Variants in MYOCD observed in about 807,000 individuals in gnomAD.
MYOCD encodes the protein myocardin.
Under a neutral mutation model 96.1 loss-of-function variants are expected in MYOCD, and 32 were observed. The observed-to-expected ratio is 0.33, with a 90% CI of 0.25 to 0.45. The LOEUF (loss-of-function observed/expected upper bound fraction) is 0.45. MYOCD is among the 20% of genes least tolerant of loss of function. MYOCD has a pLI of 1.00. For missense variants in MYOCD, 1,133 were observed against 1,200.6 expected, an observed-to-expected ratio of 0.94 and a Z score of 0.83; for synonymous variants, 469 against 469.0, an observed-to-expected ratio of 1.00 and a Z score of 0.00.
Position 12,670,560 on chromosome 17 carries a change from A to G in MYOCD, c.55+4317A>G, listed in dbSNP as rs558488158. 2.1e-4 allele frequency among the ~76,000 whole-genome samples: 32 copies of G among 152,314 alleles called. No individual in the cohort carries two copies. In the South Asian group the frequency reaches 6.4e-3, roughly 31 times the overall value. On this transcript the variant is annotated intron_variant, in intron 1 of 13. Coordinates refer to ENST00000425538, the MANE Select transcript of MYOCD (RefSeq NM_001146312.3). Reference sequence around the variant, plus strand: ...AGCTCGAGAGAAGCCCAGACTATCTACCTTCATTGGCAATTAGTTTTCTAG... The same window carrying G: ...AGCTCGAGAGAAGCCCAGACTATCTGCCTTCATTGGCAATTAGTTTTCTAG...
chr17:12,694,881 C>CAAAAAAAAAAAAAAAA (rs201215491), intron 1 of MYOCD, among the ~76,000 whole-genome samples: 1 of 69,630 alleles, frequency 1.4e-5, no homozygotes, highest in Non-Finnish European at 2.9e-5. Flanking sequence ...AAGGAATAAC[C>CAAAAAAAAAAAAAAAA]AAAAAAAAAA....
At chr17:12,705,087 A>T in intron 1 of MYOCD, 41 bp from the exon 2 acceptor site, 1 of 1,238,178 alleles carries the variant, frequency 8.1e-7, no homozygotes, top group Non-Finnish European at 1.2e-6. Flanking sequence ...GATTGTAATG[A>T]TATTTAGCCC....
At chr17:12,688,555 CT>C (rs940192743) in intron 1 of MYOCD, among the ~76,000 whole-genome samples, 2 of 95,868 alleles carry the variant, frequency 2.1e-5, no homozygotes, top group Non-Finnish European at 3.8e-5. Context: ...CATCTTCTTC[CT>C]TCCTTCCTTC....
At chr17:12,669,384 GCAAA>G (rs1390371715) in intron 1 of MYOCD, among the ~76,000 whole-genome samples, 2 of 152,088 alleles carry the variant, frequency 1.3e-5, no homozygotes, top group Non-Finnish European at 2.9e-5. Flanking sequence ...CTTAAACCGC[GCAAA>G]CAGAGGCAAA....
chr17:12,723,206 G>A (rs1341944356), intron 5 of MYOCD, among the ~76,000 whole-genome samples, 198 bp downstream of exon 5: 1 of 152,114 alleles, frequency 6.6e-6, no homozygotes, highest in Admixed American at 6.6e-5. Context: ...TACACCCCAA[G>A]GCCAAGTCAA....
intron 1 of MYOCD, among the ~76,000 whole-genome samples, chr17:12,681,283 C>T (rs1218209173): frequency 6.6e-6 from 1 of 152,202 alleles, no homozygotes; most frequent in African/African-American, 2.4e-5. Context: ...AAGGCATTTC[C>T]ACTTGAGGTT....
At chr17:12,740,015 A>C (rs2032459697) in intron 7 of MYOCD, among the ~76,000 whole-genome samples, 1 of 151,934 alleles carries the variant, frequency 6.6e-6, no homozygotes, top group South Asian at 2.1e-4. Context: ...AGCTCACTGC[A>C]ACCTCCGCCT....
chr17:12,685,197 G>A (rs1440949603), intron 1 of MYOCD, among the ~76,000 whole-genome samples: 2 of 152,238 alleles, frequency 1.3e-5, no homozygotes, highest in South Asian at 4.2e-4. Context: ...TACTCAGGAG[G>A]CCAAGGCACA....
chr17:12,744,583 GA>G, intron 8 of MYOCD, 147 bp downstream of exon 8: 1 of 1,195,370 alleles, frequency 8.4e-7, no homozygotes, highest in Non-Finnish European at 1.1e-6. Context: ...ACTCAATTTA[GA>G]AACTATGCAC....
At position 12,766,709 on chromosome 17, in the gene MYOCD, C is replaced by T; in HGVS notation, c.*3065C>T. ...TTACGAAGATGGTCACATTCAAGTTCCCTAATGCTCTTAGAACCTGAAGAT... is the reference window on the plus strand; with the variant it reads ...TTACGAAGATGGTCACATTCAAGTTTCCTAATGCTCTTAGAACCTGAAGAT... On this transcript the variant is annotated 3_prime_UTR_variant, in exon 14 of 14. Coordinates refer to ENST00000425538, the MANE Select transcript of MYOCD (RefSeq NM_001146312.3). 6.6e-6 allele frequency: 1 copy of T among 152,162 alleles called. No individual in the cohort carries two copies. Among genetic ancestry groups the T allele is most frequent in the Non-Finnish European group, 1.5e-5 (1 of 68,018 alleles). The allele number at this position is 152,162 out of a possible 1,614,324, so 9.4% of individuals were successfully genotyped here. A position where few individuals can be genotyped will look rare whatever the true frequency, so the allele number is the denominator to read the frequency against.
At chr17:12,676,275 A>G (rs904155670) in intron 1 of MYOCD, among the ~76,000 whole-genome samples, 12 of 130,770 alleles carry the variant, frequency 9.2e-5, no homozygotes, top group South Asian at 7.0e-4. Flanking sequence ...ACACACACAC[A>G]CACACACACA....
intron 4 of MYOCD, among the ~76,000 whole-genome samples, chr17:12,719,827 A>G (rs1348566529): frequency 7.0e-6 from 1 of 143,404 alleles, no homozygotes; most frequent in Non-Finnish European, 1.5e-5. Flanking sequence ...AGATCGTGCC[A>G]TTGCACTCCA....
intron 5 of MYOCD, among the ~76,000 whole-genome samples, chr17:12,731,204 C>G (rs1338278463): frequency 1.3e-5 from 2 of 152,206 alleles, no homozygotes; most frequent in African/African-American, 4.8e-5. Context: ...GGTCACACCA[C>G]GGAGCCAGGA....
At chr17:12,703,238 T>C (rs1056061508) in intron 1 of MYOCD, among the ~76,000 whole-genome samples, 3 of 152,050 alleles carry the variant, frequency 2.0e-5, no homozygotes, top group African/African-American at 7.2e-5. Context: ...TTTTTCTTTA[T>C]ATAATATGTT....
intron 1 of MYOCD, among the ~76,000 whole-genome samples, chr17:12,670,355 C>G (rs1158366147): frequency 6.6e-6 from 1 of 152,192 alleles, no homozygotes; most frequent in African/African-American, 2.4e-5. Context: ...TCATCTCTCT[C>G]TGTCGTTTCT....
chr17:12,702,673 C>G (rs1456327621), intron 1 of MYOCD, among the ~76,000 whole-genome samples: 1 of 20,544 alleles, frequency 4.9e-5, no homozygotes, highest in East Asian at 1.6e-3. Context: ...AGCATTGTTT[C>G]AATTTATTGG....
At position 12,753,341 on chromosome 17, in the gene MYOCD, G is replaced by A. The variant is rs1294204794; in HGVS notation, c.2053G>A (p.Ala685Thr). 3.2e-6 allele frequency: 5 copies of A among 1,584,794 alleles called. No individual in the cohort carries two copies. Among genetic ancestry groups the A allele is most frequent in the Non-Finnish European group, 4.3e-6 (5 of 1,166,228 alleles). The change falls in exon 10 of 14, where the codon GCA becomes ACA. Residue 685 changes from alanine (A) to threonine (T), a missense_variant. Coordinates refer to ENST00000425538, the MANE Select transcript of MYOCD (RefSeq NM_001146312.3). ...GCCCATCAGCAGCCAGGTGTGCACT[G>A]CACAGGTAAGAGCACCTTGCGCCAT... Reference protein sequence around the residue: ...SSPISSQVCTAQNSGAHDGHP... With the variant: ...SSPISSQVCTTQNSGAHDGHP...
intron 5 of MYOCD, among the ~76,000 whole-genome samples, chr17:12,732,585 C>T (rs943990562): frequency 6.6e-6 from 1 of 152,196 alleles, no homozygotes; most frequent in Non-Finnish European, 1.5e-5. Context: ...TGTCTCTTCT[C>T]TTAGCCATAT....
chr17:12,744,577 A>G (rs185292859), intron 8 of MYOCD, 141 bp downstream of exon 8: 2 of 1,257,660 alleles, frequency 1.6e-6, no homozygotes, highest in Admixed American at 2.8e-5. Flanking sequence ...AAGGTGACTC[A>G]ATTTAGAAAC....
Sources: allele counts gnomAD v4.1 joint callset (sites outside exome capture counted in the v4.1 genomes callset), GRCh38; gene constraint gnomAD v4.1.1; transcripts MANE v1.5; gene names NCBI Gene and HGNC (gene_info 2026-07-23, HGNC 2026-07-21).